The following PKIB variants were observed in gnomAD, a reference collection of about 807,000 sequenced individuals.
The protein encoded by PKIB is PKI-beta.
Under a neutral mutation model 4.5 loss-of-function variants are expected in PKIB, and 2 were observed. The ratio of observed to expected loss-of-function variants is 0.44; its 90% CI spans 0.18 to 1.39. The LOEUF is 1.39. Ranked by LOEUF, PKIB falls within the 40% of genes most tolerant of loss-of-function variation. PKIB has a pLI of 0.27. For missense variants in PKIB, 94 were observed against 92.6 expected (o/e 1.02, Z -0.06); for synonymous variants, 38 against 36.0 (o/e 1.06, Z -0.20).
chr6:122,553,338 T>C (rs1772737348), intron 2 of PKIB, among the ~76,000 whole-genome samples: 1 of 152,140 alleles, frequency 6.6e-6, no homozygotes, highest in Admixed American at 6.5e-5. Flanking sequence ...CAAATTACTT[T>C]TGCACCAACC....
intron 2 of PKIB, among the ~76,000 whole-genome samples, chr6:122,646,511 A>G (rs1360284792): frequency 3.3e-5 from 5 of 152,214 alleles, no homozygotes; most frequent in East Asian, 3.8e-4. Context: ...CATGCTTTAC[A>G]TTTTGAAATT....
chr6:122,537,841 T>C (rs1412183427), intron 2 of PKIB, among the ~76,000 whole-genome samples: 1 of 151,980 alleles, frequency 6.6e-6, no homozygotes, highest in Non-Finnish European at 1.5e-5. Context: ...CAGCACCTGT[T>C]GTTTCCTGAC....
At chr6:122,720,692 G>C (rs1268980981) in intron 4 of PKIB, among the ~76,000 whole-genome samples, 2 of 142,744 alleles carry the variant, frequency 1.4e-5, no homozygotes, top group Admixed American at 1.5e-4. Flanking sequence ...ATACATTTTT[G>C]AATATTTGAG....
At chr6:122,624,700 G>A (rs1354168919) in intron 1 of PKIB, among the ~76,000 whole-genome samples, 2 of 152,160 alleles carry the variant, frequency 1.3e-5, no homozygotes, top group Non-Finnish European at 2.9e-5. Flanking sequence ...ATGTGTAGTG[G>A]ATTAATTGTG....
chr6:122,598,642 G>C (rs190789655), intron 3 of PKIB, among the ~76,000 whole-genome samples: 250 of 152,256 alleles, frequency 1.6e-3, no homozygotes, highest in African/African-American at 5.9e-3. Flanking sequence ...GCTGGGATGA[G>C]TAGGTCTAAA....
chr6:122,636,339 G>A (rs1775916436), intron 2 of PKIB, among the ~76,000 whole-genome samples: 2 of 151,922 alleles, frequency 1.3e-5, no homozygotes, highest in South Asian at 2.1e-4. Context: ...AGAACCATTA[G>A]GGTAATGAAC....
intron 1 of PKIB, among the ~76,000 whole-genome samples, chr6:122,632,315 C>T (rs1243722325): frequency 6.6e-6 from 1 of 152,196 alleles, no homozygotes; most frequent in Non-Finnish European, 1.5e-5. Flanking sequence ...GGAATGTTGA[C>T]ATTACTGGCC....
chr6:122,534,719 A>C (rs1162910014), intron 2 of PKIB, among the ~76,000 whole-genome samples: 1 of 152,104 alleles, frequency 6.6e-6, no homozygotes, highest in East Asian at 1.9e-4. Context: ...TGAGCCACTG[A>C]GCTCAAGTGA....
At chr6:122,677,852 TTCCTTCCTTCCTTCCTTC>T (rs1777738173) in intron 3 of PKIB, among the ~76,000 whole-genome samples, 1 of 34,912 alleles carries the variant, frequency 2.9e-5, no homozygotes, top group Non-Finnish European at 8.8e-5. Flanking sequence ...TCTTCCTTCC[TTCCTTCCTTCCTTCCTTC>T]CTTCCTTCCT....
In PKIB at chr6:122,542,169, T is replaced by C. The variant is rs537412962; in HGVS notation, c.-247-43752T>C. Among the ~76,000 whole-genome samples, 107 of 152,196 alleles carry C rather than the reference T, an allele frequency of 7.0e-4. 4 individuals are homozygous for C. Among genetic ancestry groups the C allele is most frequent in the African/African-American group, 2.5e-3 (105 of 41,466 alleles). On this transcript the variant is annotated intron_variant, in intron 2 of 6. Coordinates refer to the PKIB transcript ENST00000392491. ...CAGAGTAGTTTGATTGTCTGAAGCC[T>C]TCTTCTCTCAACTCGTCAAAGTCAT...
chr6:122,581,105 A>G (rs1773689896), intron 2 of PKIB, among the ~76,000 whole-genome samples: 1 of 152,094 alleles, frequency 6.6e-6, no homozygotes, highest in Admixed American at 6.6e-5. Flanking sequence ...ATATCAACTA[A>G]CTCTTCAAAT....
chr6:122,637,607 T>G (rs1775975699), intron 2 of PKIB, among the ~76,000 whole-genome samples: 1 of 151,802 alleles, frequency 6.6e-6, no homozygotes. Flanking sequence ...ATACAAAAAA[T>G]TAGCTGGGCG....
chr6:122,703,850 T>C (rs1778931696), intron 3 of PKIB, among the ~76,000 whole-genome samples: 1 of 149,768 alleles, frequency 6.7e-6, no homozygotes, highest in Non-Finnish European at 1.5e-5. Flanking sequence ...TATGTATATA[T>C]ATGTAAAAGC....
chr6:122,594,499 A>G (rs1316168298), intron 3 of PKIB, among the ~76,000 whole-genome samples: 3 of 152,204 alleles, frequency 2.0e-5, no homozygotes, highest in Admixed American at 6.5e-5. Context: ...ACCACCGTGC[A>G]TGGCCAAGAC....
Position 122,594,066 on chromosome 6 carries a change from A to G in PKIB, c.-161+8059A>G, listed in dbSNP as rs149757571. 6.2e-3 allele frequency among the ~76,000 whole-genome samples: 941 copies of G among 152,340 alleles called. 11 individuals are homozygous for G. The highest frequency in any genetic ancestry group is 0.017 in the Middle Eastern group (5 of 294). ...TAATGAGGTTGTAATTATGCCTAAC[A>G]TAATACAACTATCCTTTGTACAACC... On this transcript the variant is annotated intron_variant, in intron 3 of 6. Coordinates refer to the PKIB transcript ENST00000392491.
intron 2 of PKIB, among the ~76,000 whole-genome samples, chr6:122,507,488 G>T (rs941849110): frequency 5.3e-5 from 8 of 152,142 alleles, no homozygotes; most frequent in Non-Finnish European, 8.8e-5. Flanking sequence ...CAGGTTACTT[G>T]AAGTTAGTGG....
At chr6:122,677,719 C>T (rs901310396) in intron 3 of PKIB, among the ~76,000 whole-genome samples, 13 of 152,168 alleles carry the variant, frequency 8.5e-5, no homozygotes, top group Non-Finnish European at 1.6e-4. Context: ...CCAAGGCCCC[C>T]GGAGAAGACC....
chr6:122,715,662 T>TATATATAC (rs1226406100), intron 3 of PKIB, among the ~76,000 whole-genome samples: 1 of 150,530 alleles, frequency 6.6e-6, no homozygotes, highest in Non-Finnish European at 1.5e-5. Flanking sequence ...TATATATATA[T>TATATATAC]ATACATACAC....
Position 122,544,394 on chromosome 6 carries a change from T to A in PKIB, c.-247-41527T>A, listed in dbSNP as rs556320557. 8.0e-5 allele frequency among the ~76,000 whole-genome samples: 11 copies of A among 138,316 alleles called. No individual in the cohort carries two copies. In the South Asian group the frequency reaches 2.4e-3, roughly 30 times the overall value. The allele number at this position is 138,316 out of a possible 152,430, so 90.7% of individuals were successfully genotyped here. ...TAGATTTTTAAAAATTAAAAAAAAA[T>A]TCTAGCTAAATTGTCTGAGCATAAC... is the stretch of plus-strand genomic sequence containing the variant. On this transcript the variant is annotated intron_variant, in intron 2 of 6. Coordinates refer to the PKIB transcript ENST00000392491.
Sources: allele counts gnomAD v4.1 joint callset (sites outside exome capture counted in the v4.1 genomes callset), GRCh38; gene constraint gnomAD v4.1.1; transcripts MANE v1.5; gene names NCBI Gene and HGNC (gene_info 2026-07-23, HGNC 2026-07-21).